Variants in DACH2 observed in about 807,000 individuals in gnomAD.
DACH2 encodes the protein dachshund family transcription factor 2, also known as dachshund homolog 2.
Under a neutral mutation model 35.8 loss-of-function variants are expected in DACH2, and 17 were observed. The observed-to-expected ratio is 0.48, with a 90% CI of 0.33 to 0.71. DACH2 has a LOEUF of 0.71. Among genes scored for constraint, DACH2 ranks in the 30% least tolerant of loss-of-function variants. The pLI is 0.02. For missense variants in DACH2, 469 were observed against 472.7 expected (o/e 0.99, Z 0.07); for synonymous variants, 195 against 177.3 (o/e 1.10, Z -0.79).
chrX:86,770,161 G>A (rs1344632274), intron 7 of DACH2, among the ~76,000 whole-genome samples: 3 of 53,279 alleles, frequency 5.6e-5, no homozygotes, highest in African/African-American at 2.4e-4. Flanking sequence ...TGTAATAAGA[G>A]CCACTCATTT....
intron 4 of DACH2, among the ~76,000 whole-genome samples, chrX:86,667,813 T>C (rs1478347293): frequency 3.6e-5 from 4 of 112,310 alleles, no homozygotes; most frequent in South Asian, 7.3e-4. Context: ...CCATGAGCTA[T>C]ATGGCTTAAA....
At chrX:86,578,347 G>A (rs1391005986) in intron 3 of DACH2, among the ~76,000 whole-genome samples, 1 of 109,601 alleles carries the variant, frequency 9.1e-6, no homozygotes, top group Non-Finnish European at 1.9e-5. Context: ...TTTAACCTCC[G>A]ACATTCGATT....
intron 3 of DACH2, among the ~76,000 whole-genome samples, chrX:86,616,940 T>C (rs947847322): frequency 1.8e-5 from 2 of 112,092 alleles, no homozygotes; most frequent in African/African-American, 6.5e-5. Flanking sequence ...TTGATTTCTG[T>C]ATATGGTGTG....
At chrX:86,341,393 TACAGCAC>T (rs1490723177) in intron 1 of DACH2, among the ~76,000 whole-genome samples, 1 of 111,982 alleles carries the variant, frequency 8.9e-6, no homozygotes, top group Non-Finnish European at 1.9e-5. Flanking sequence ...CATGTTTGTT[TACAGCAC>T]GGCTTAATAA....
intron 4 of DACH2, among the ~76,000 whole-genome samples, chrX:86,671,730 T>C (rs2040767344): frequency 8.9e-6 from 1 of 111,895 alleles, no homozygotes; most frequent in South Asian, 3.7e-4. Flanking sequence ...TTTATAGCAA[T>C]ATGAGAATGG....
chrX:86,483,926 C>T (rs2037981566), intron 2 of DACH2, among the ~76,000 whole-genome samples: 1 of 111,595 alleles, frequency 9.0e-6, no homozygotes, highest in Non-Finnish European at 1.9e-5. Context: ...TAGACTCTGA[C>T]ATTTTCACCA....
intron 1 of DACH2, among the ~76,000 whole-genome samples, chrX:86,343,335 T>C (rs1313505613): frequency 9.1e-6 from 1 of 109,771 alleles, no homozygotes; most frequent in Non-Finnish European, 1.9e-5. Context: ...TGTCTTTTCT[T>C]ATACTTCAGA....
intron 1 of DACH2, among the ~76,000 whole-genome samples, chrX:86,361,286 A>G (rs1196076312): frequency 8.9e-6 from 1 of 111,931 alleles, no homozygotes; most frequent in African/African-American, 3.2e-5. Context: ...TTTTAAAAAT[A>G]TGATTTATAT....
intron 1 of DACH2, among the ~76,000 whole-genome samples, chrX:86,151,636 T>C (rs2030370685): frequency 9.0e-6 from 1 of 111,285 alleles, no homozygotes; most frequent in South Asian, 3.7e-4. Context: ...CTAACCACAT[T>C]ATTAAAATTA....
intron 4 of DACH2, among the ~76,000 whole-genome samples, chrX:86,687,477 A>T (rs966556161): frequency 1.2e-4 from 13 of 112,037 alleles, no homozygotes; most frequent in Non-Finnish European, 2.3e-4. Context: ...TGTGGAAGAC[A>T]GTGTGGCGAT....
At position 86,714,559 on chromosome X, in the gene DACH2, C is replaced by A. The variant is rs771629781; in HGVS notation, c.943C>A (p.Pro315Thr). 1.7e-6 allele frequency: 2 copies of A among 1,200,740 alleles called. No homozygotes were observed. The highest frequency in any genetic ancestry group is 5.9e-5 in the East Asian group (2 of 33,638). ...ACTGTCTCTTTTAGGACTGGATCTG[C>A]CATTTATGATGATGCCTCATCCCCT... ...NHLLTNRLDL[P>T]FMMMPHPLLP... Residue 315 changes from proline to threonine, a missense_variant, in exon 6 of 12, where the codon CCA becomes ACA. Pro to Thr is a conservative substitution (Grantham distance 38). Around this residue, in one of 3 missense-constraint regions of DACH2, gnomAD observed 363 missense variants for 334.4 expected, o/e 1.09. Coordinates refer to ENST00000373125, the MANE Select transcript of DACH2 (RefSeq NM_053281.3).
intron 1 of DACH2, among the ~76,000 whole-genome samples, chrX:86,295,753 C>G (rs746174971): frequency 1.8e-5 from 2 of 111,165 alleles, no homozygotes; most frequent in East Asian, 5.7e-4. Context: ...TCCTCAGACA[C>G]AGAAATGGTC....
At chrX:86,289,683 C>T (rs1271829236) in intron 1 of DACH2, among the ~76,000 whole-genome samples, 1 of 103,454 alleles carries the variant, frequency 9.7e-6, no homozygotes, top group Non-Finnish European at 2.0e-5. Context: ...TTGGTTTTTT[C>T]TTCTTGCGAT....
intron 3 of DACH2, among the ~76,000 whole-genome samples, chrX:86,627,887 A>G (rs2040155999): frequency 8.9e-6 from 1 of 112,424 alleles, no homozygotes; most frequent in Non-Finnish European, 1.9e-5. Context: ...AGAGTAAAAC[A>G]AAGGCAAACA....
At chrX:86,212,042 G>A (rs765039831) in intron 1 of DACH2, among the ~76,000 whole-genome samples, 40 of 111,571 alleles carry the variant, frequency 3.6e-4, no homozygotes, top group African/African-American at 1.3e-3. Context: ...TGCATTGAAT[G>A]GTATTTATAT....
chrX:86,788,162 G>A (rs1255846818), intron 7 of DACH2, among the ~76,000 whole-genome samples: 1 of 110,873 alleles, frequency 9.0e-6, no homozygotes, highest in Admixed American at 9.7e-5. Flanking sequence ...CTTATCAGTC[G>A]AGTATTCCTA....
chrX:86,797,482 A>G (rs1362984539), intron 7 of DACH2, among the ~76,000 whole-genome samples: 1 of 111,030 alleles, frequency 9.0e-6, no homozygotes, highest in South Asian at 3.7e-4. Context: ...CTCAAGTACT[A>G]GGGCTATTAG....
chrX:86,522,952 T>C (rs1054422674), intron 3 of DACH2, among the ~76,000 whole-genome samples: 3 of 111,753 alleles, frequency 2.7e-5, no homozygotes, highest in African/African-American at 9.7e-5. Context: ...TGGCTTCCCT[T>C]TCCTCAGCTT....
intron 4 of DACH2, among the ~76,000 whole-genome samples, chrX:86,667,556 GAAAGA>G (rs1569463690): frequency 7.3e-4 from 48 of 66,051 alleles, no homozygotes; most frequent in African/African-American, 2.5e-3. Flanking sequence ...AAGAAAGAAA[GAAAGA>G]AAGAAAGAAA....
Sources: allele counts gnomAD v4.1 joint callset (sites outside exome capture counted in the v4.1 genomes callset), GRCh38; gene constraint gnomAD v4.1.1; regional missense constraint gnomAD v4.1.1; transcripts MANE v1.5; gene names NCBI Gene and HGNC (gene_info 2026-07-23, HGNC 2026-07-21).